The following MARCHF11 variants were observed in gnomAD, a reference collection of about 807,000 sequenced individuals.
MARCHF11 encodes membrane associated ring-CH-type finger 11.
In MARCHF11, 29 loss-of-function variants were observed where a neutral mutation model predicts 37.3. That is an observed-to-expected ratio of 0.78 (90% CI 0.58 to 1.06). MARCHF11 has a LOEUF of 1.06. Ranked by LOEUF, MARCHF11 falls within the 50% of genes least tolerant of loss-of-function variation. The pLI is 0.00. For missense variants in MARCHF11, 482 were observed against 533.4 expected, an observed-to-expected ratio of 0.90 and a Z score of 0.95; for synonymous variants, 233 against 228.0, an observed-to-expected ratio of 1.02 and a Z score of -0.20.
intron 2 of MARCHF11, among the ~76,000 whole-genome samples, chr5:16,131,603 T>C (rs987507668): frequency 6.6e-6 from 1 of 152,186 alleles, no homozygotes. Context: ...GTATGAGACC[T>C]GTCTTTCAAT....
intron 2 of MARCHF11, among the ~76,000 whole-genome samples, chr5:16,123,892 T>A (rs1174599593): frequency 3.3e-5 from 5 of 152,134 alleles, no homozygotes; most frequent in Non-Finnish European, 5.9e-5. Context: ...TACAATTCAA[T>A]ATGTGGCATG....
intron 2 of MARCHF11, among the ~76,000 whole-genome samples, chr5:16,116,348 T>C (rs1737225914): frequency 6.6e-6 from 1 of 152,162 alleles, no homozygotes; most frequent in South Asian, 2.1e-4. Flanking sequence ...CAGCATCCAC[T>C]ACACTACCTC....
intron 2 of MARCHF11, among the ~76,000 whole-genome samples, chr5:16,131,807 C>G (rs1161160774): frequency 6.6e-6 from 1 of 152,204 alleles, no homozygotes; most frequent in Non-Finnish European, 1.5e-5. Context: ...ACCATATGTC[C>G]TTTTGTTTTT....
chr5:16,121,846 T>C (rs1266976132), intron 2 of MARCHF11, among the ~76,000 whole-genome samples: 1 of 152,168 alleles, frequency 6.6e-6, no homozygotes, highest in Non-Finnish European at 1.5e-5. Flanking sequence ...CTACCATCAA[T>C]ATTATTGTAG....
At chr5:16,131,338 CT>C (rs1737510877) in intron 2 of MARCHF11, among the ~76,000 whole-genome samples, 1 of 152,132 alleles carries the variant, frequency 6.6e-6, no homozygotes, top group Non-Finnish European at 1.5e-5. Flanking sequence ...ACCTAATAAA[CT>C]AGTTTGTTAT....
chr5:16,116,753 AT>A (rs1048628597), intron 2 of MARCHF11, among the ~76,000 whole-genome samples: 4 of 152,378 alleles, frequency 2.6e-5, no homozygotes, highest in Admixed American at 2.6e-4. Flanking sequence ...CTGCATAAAA[AT>A]ATCTAAACCT....
At chr5:16,131,404 T>G (rs1343760507) in intron 2 of MARCHF11, among the ~76,000 whole-genome samples, 3 of 152,234 alleles carry the variant, frequency 2.0e-5, no homozygotes, top group Non-Finnish European at 4.4e-5. Flanking sequence ...CAATCCATTT[T>G]GAACTAGAAT....
intron 2 of MARCHF11, among the ~76,000 whole-genome samples, chr5:16,104,860 T>C (rs184356085): frequency 1.3e-5 from 2 of 152,290 alleles, no homozygotes; most frequent in East Asian, 3.9e-4. Context: ...TTTCCTCACC[T>C]TTAAAATTGT....
intron 2 of MARCHF11, among the ~76,000 whole-genome samples, chr5:16,171,002 T>A (rs1738253678): frequency 6.6e-6 from 1 of 152,106 alleles, no homozygotes; most frequent in African/African-American, 2.4e-5. Flanking sequence ...AAGCGACTCC[T>A]CAGAATTAAG....
chr5:16,112,716 G>T (rs1395317747), intron 2 of MARCHF11, among the ~76,000 whole-genome samples: 1 of 152,240 alleles, frequency 6.6e-6, no homozygotes, highest in Non-Finnish European at 1.5e-5. Flanking sequence ...TTTGGGAGTG[G>T]GCAGTGGTGG....
At chr5:16,157,754 A>C (rs1374513697) in intron 2 of MARCHF11, among the ~76,000 whole-genome samples, 1 of 151,874 alleles carries the variant, frequency 6.6e-6, no homozygotes, top group Non-Finnish European at 1.5e-5. Context: ...ACAGAGGAAA[A>C]CCTCCAAGAG....
At position 16,067,423 on chromosome 5, in the gene MARCHF11, A is replaced by G; in HGVS notation, c.*48T>C. 1 of 1,550,374 alleles carries G rather than the reference A, an allele frequency of 6.5e-7. No individual in the cohort carries two copies. The highest frequency in any genetic ancestry group is 8.8e-7 in the Non-Finnish European group (1 of 1,136,264). ...TGGTTTTGCCATTCACTGCAATTAC[A>G]TTGCAAAATGTGCAGGGTGGTCCAC... On this transcript the variant is annotated 3_prime_UTR_variant, in exon 4 of 4. Coordinates refer to ENST00000332432, the MANE Select transcript of MARCHF11 (RefSeq NM_001102562.3).
At chr5:16,111,315 T>A (rs2126570389) in intron 2 of MARCHF11, among the ~76,000 whole-genome samples, 1 of 152,302 alleles carries the variant, frequency 6.6e-6, no homozygotes, top group Admixed American at 6.5e-5. Context: ...TTGAATGGCT[T>A]TGACTAAAAT....
chr5:16,170,050 C>T (rs974510692), intron 2 of MARCHF11, among the ~76,000 whole-genome samples: 26 of 152,076 alleles, frequency 1.7e-4, no homozygotes, highest in Admixed American at 1.3e-3. Flanking sequence ...TTGTATTCAC[C>T]GGTGGAAAAT....
At chr5:16,148,173 A>T (rs984232033) in intron 2 of MARCHF11, among the ~76,000 whole-genome samples, 5 of 152,258 alleles carry the variant, frequency 3.3e-5, no homozygotes, top group African/African-American at 7.2e-5. Flanking sequence ...TCGGAGGAGG[A>T]ATTAAGTATA....
intron 2 of MARCHF11, among the ~76,000 whole-genome samples, chr5:16,145,310 T>C (rs1244962254): frequency 2.0e-5 from 3 of 152,156 alleles, no homozygotes; most frequent in Non-Finnish European, 2.9e-5. Context: ...AGAGTGCTCA[T>C]GAACTGGTTA....
At chr5:16,070,785 C>T (rs1354379276) in intron 3 of MARCHF11, among the ~76,000 whole-genome samples, 2 of 152,108 alleles carry the variant, frequency 1.3e-5, no homozygotes, top group East Asian at 3.9e-4. Flanking sequence ...TTCCAGCTCC[C>T]TAGGCTGCTT....
chr5:16,121,759 C>T (rs1415350035), intron 2 of MARCHF11, among the ~76,000 whole-genome samples: 1 of 152,148 alleles, frequency 6.6e-6, no homozygotes, highest in East Asian at 1.9e-4. Flanking sequence ...AAAATCAAAG[C>T]TAATGTGTTT....
At chr5:16,103,761 C>T (rs1047227454) in intron 2 of MARCHF11, among the ~76,000 whole-genome samples, 1 of 152,196 alleles carries the variant, frequency 6.6e-6, no homozygotes, top group African/African-American at 2.4e-5. Context: ...TTCTGTTTCC[C>T]CTCTTTTAAA....
Sources: allele counts gnomAD v4.1 joint callset (sites outside exome capture counted in the v4.1 genomes callset), GRCh38; gene constraint gnomAD v4.1.1; transcripts MANE v1.5; gene names NCBI Gene and HGNC (gene_info 2026-07-23, HGNC 2026-07-21).